The following MMS19 variants were observed in gnomAD, a reference collection of about 807,000 sequenced individuals.
MMS19 encodes the protein MMS19 nucleotide excision repair protein homolog.
A neutral mutation model predicts 129.8 loss-of-function variants in MMS19; 77 were observed. The observed-to-expected ratio is 0.59, with a 90% CI of 0.49 to 0.72. MMS19 has a LOEUF of 0.72. Among genes scored for constraint, MMS19 ranks in the 30% least tolerant of loss-of-function variants. The pLI is 0.00. For synonymous variants in MMS19, 491 were observed against 502.8 expected (o/e 0.98, Z 0.31); for missense variants, 1,168 against 1,266.3 (o/e 0.92, Z 1.18).
At chr10:97,479,470 C>T (rs1053179142) in intron 3 of MMS19, among the ~76,000 whole-genome samples, 4 of 152,112 alleles carry the variant, frequency 2.6e-5, no homozygotes, top group Non-Finnish European at 5.9e-5. Flanking sequence ...CCCCAAACCC[C>T]GTAACAGCAG....
chr10:97,494,788 C>T (rs2039498511), intron 1 of MMS19, among the ~76,000 whole-genome samples: 2 of 152,206 alleles, frequency 1.3e-5, no homozygotes, highest in Admixed American at 1.3e-4. Flanking sequence ...TTGGGGTCTT[C>T]TTAGAGTCCT....
intron 29 of MMS19, 113 bp from the exon 30 acceptor site, chr10:97,459,013 C>A: frequency 1.8e-6 from 2 of 1,130,270 alleles, no homozygotes; most frequent in East Asian, 2.5e-5. Flanking sequence ...TTTAGTGATT[C>A]CAAGGGATGT....
chr10:97,469,741 G>A lies in MMS19; in HGVS notation c.847-18C>T. The A allele has an allele frequency of 6.2e-7, 1 of 1,611,170 alleles. No homozygotes were observed. Among genetic ancestry groups the A allele is most frequent in the Non-Finnish European group, 8.5e-7 (1 of 1,177,668 alleles). The stretch of plus-strand genomic sequence containing the variant: ...CAAGCATTCTGCCAAGGAAACCGCT[G>A]CTATCAGTTATGTACACACTCAGAC... On this transcript the variant is annotated intron_variant, in intron 10 of 30. Coordinates refer to ENST00000438925, the MANE Select transcript of MMS19 (RefSeq NM_022362.5).
Position 97,459,214 on chromosome 10 carries a change from G to A in MMS19, c.2964+9C>T. On this transcript the variant is annotated intron_variant, in intron 29 of 30. Transcript: ENST00000438925. Reference sequence around the variant, plus strand: ...TCCCAGGCCAGGGAAGGACACCTGAGGTACTTACCACAGGGGTGGGCAGGC... The same window carrying A: ...TCCCAGGCCAGGGAAGGACACCTGAAGTACTTACCACAGGGGTGGGCAGGC... The A allele has an allele frequency of 6.2e-7, 1 of 1,609,810 alleles. No individual in the cohort carries two copies. The highest frequency in any genetic ancestry group is 8.5e-7 in the Non-Finnish European group (1 of 1,178,064).
rs1221210532 is a variant in MMS19 at position 97,458,700 on chromosome 10, C to T, written c.3085G>A (p.Gly1029Ser). 5.6e-6 allele frequency: 9 copies of T among 1,608,956 alleles called. No homozygotes were observed. The highest frequency in any genetic ancestry group is 7.6e-6 in the Non-Finnish European group (9 of 1,177,558). The change falls in exon 31 of 31, where the codon GGC becomes AGC. Residue 1029 changes from glycine (G) to serine (S), a missense_variant. Physicochemically the swap from Gly to Ser is moderately conservative, Grantham distance 56. Transcript: ENST00000438925. ...AGGCCAGGACTGAGGGCTCAGCTGC[C>T]AGGGCTCCCCAACAGAAACCTGTAG... is the stretch of plus-strand genomic sequence containing the variant. ...RGEWFLLGSP[G>S]S
intron 1 of MMS19, among the ~76,000 whole-genome samples, chr10:97,497,980 C>T (rs2040117595): frequency 6.6e-6 from 1 of 152,226 alleles, no homozygotes; most frequent in Non-Finnish European, 1.5e-5. Context: ...CCTGCCTGGT[C>T]TGCAGCCCTG....
At chr10:97,473,968 T>A (rs2135372322) in intron 8 of MMS19, among the ~76,000 whole-genome samples, 1 of 150,764 alleles carries the variant, frequency 6.6e-6, no homozygotes, top group Admixed American at 6.6e-5. Context: ...CATGGCAAAA[T>A]CCTGTCTCTA....
chr10:97,498,018 T>A (rs548572151), intron 1 of MMS19, among the ~76,000 whole-genome samples: 9 of 152,234 alleles, frequency 5.9e-5, no homozygotes, highest in Non-Finnish European at 1.2e-4. Flanking sequence ...TCGCTGAGCC[T>A]CAGTTTCCTC....
At chr10:97,493,575 T>C (rs1186383402) in intron 1 of MMS19, among the ~76,000 whole-genome samples, 1 of 151,960 alleles carries the variant, frequency 6.6e-6, no homozygotes, top group Non-Finnish European at 1.5e-5. Context: ...AATAAAACAA[T>C]CACAGTGTAA....
At chr10:97,474,616 T>C (rs889709839) in intron 8 of MMS19, among the ~76,000 whole-genome samples, 2 of 152,190 alleles carry the variant, frequency 1.3e-5, no homozygotes, top group Admixed American at 1.3e-4. Flanking sequence ...ATAAAGAGTA[T>C]TTGTAACTCA....
At chr10:97,490,360 G>A (rs1259866509) in intron 1 of MMS19, among the ~76,000 whole-genome samples, 1 of 152,194 alleles carries the variant, frequency 6.6e-6, no homozygotes, top group African/African-American at 2.4e-5. Flanking sequence ...GACTACAGAT[G>A]TGAGCCACTG....
In MMS19 at chr10:97,462,687, A is replaced by G; in HGVS notation, c.1913-5T>C. The G allele has an allele frequency of 6.2e-7, 1 of 1,604,562 alleles. No individual in the cohort carries two copies. The highest frequency in any genetic ancestry group is 8.5e-7 in the Non-Finnish European group (1 of 1,171,352). ...TCAGAACTGAGGGCTCCTTCTCTGCAAAACACACACACATGCACACAATCA... is the reference window on the plus strand; with the variant it reads ...TCAGAACTGAGGGCTCCTTCTCTGCGAAACACACACACATGCACACAATCA... On this transcript the variant is annotated splice_polypyrimidine_tract_variant and splice_region_variant and intron_variant, in intron 19 of 30. Transcript: ENST00000438925.
At position 97,480,935 on chromosome 10, in the gene MMS19, C is replaced by A; in HGVS notation, c.262+7G>T. ...CAGGAAGACATTCCTATTAGTGACA[C>A]CAGTACCTTCCTTCTCCAGGAGCAA... On this transcript the variant is annotated splice_region_variant and intron_variant, in intron 3 of 30. Transcript: ENST00000438925. 3 of 1,584,192 alleles carry A rather than the reference C, an allele frequency of 1.9e-6. No homozygotes were observed. Among genetic ancestry groups the A allele is most frequent in the Non-Finnish European group, 2.6e-6 (3 of 1,158,524 alleles).
At chr10:97,462,287 G>C (rs182841280) in intron 20 of MMS19, among the ~76,000 whole-genome samples, 168 bp from the exon 21 acceptor site, 2 of 152,346 alleles carry the variant, frequency 1.3e-5, no homozygotes, top group East Asian at 3.9e-4. Context: ...ATATGTGCCA[G>C]TAATCATTTC....
chr10:97,490,196 AG>A (rs2038638257), intron 1 of MMS19, among the ~76,000 whole-genome samples: 1 of 151,952 alleles, frequency 6.6e-6, no homozygotes, highest in African/African-American at 2.4e-5. Context: ...CTCTCACCTC[AG>A]CCTCCCGAGT....
intron 5 of MMS19, 39 bp from the exon 6 acceptor site, chr10:97,477,455 A>T: frequency 3.7e-6 from 6 of 1,613,882 alleles, no homozygotes; most frequent in Non-Finnish European, 5.1e-6. Context: ...AAAATGCTCA[A>T]AGAATACCTC....
Position 97,466,902 on chromosome 10 carries a change from C to A in MMS19, c.1298-1G>T. The A allele has an allele frequency of 6.2e-7, 1 of 1,613,804 alleles. No homozygotes were observed. Among genetic ancestry groups the A allele is most frequent in the Non-Finnish European group, 8.5e-7 (1 of 1,179,850 alleles). ...TTGAAGCCATTCAGAGGCCTTTGAT[C>A]TAGGGAAGAGACAGAGGCCAGGTTA... On this transcript the variant is annotated splice_acceptor_variant, in intron 14 of 30. Coordinates refer to ENST00000438925, the MANE Select transcript of MMS19 (RefSeq NM_022362.5). LOFTEE classifies it high-confidence loss of function.
At chr10:97,474,147 A>G (rs954867991) in intron 8 of MMS19, among the ~76,000 whole-genome samples, 18 of 151,724 alleles carry the variant, frequency 1.2e-4, no homozygotes, top group African/African-American at 4.4e-4. Flanking sequence ...AAAAAAAAAA[A>G]AAAGGGAAAG....
At chr10:97,486,032 A>C (rs944081693) in intron 1 of MMS19, among the ~76,000 whole-genome samples, 3 of 152,248 alleles carry the variant, frequency 2.0e-5, no homozygotes, top group Non-Finnish European at 4.4e-5. Flanking sequence ...TCCCATGTTC[A>C]CTGCAGCATT....
Sources: gnomAD v4.1 joint callset for allele counts (sites outside exome capture counted in the v4.1 genomes callset) on GRCh38, gnomAD v4.1.1 for gene constraint, MANE v1.5 for transcripts, NCBI Gene and HGNC (gene_info 2026-07-23, HGNC 2026-07-21) for gene names.